Variants in PHF7 observed in about 807,000 individuals in gnomAD.
PHF7 encodes the protein PHD finger protein 7, also known as E3 ubiquitin-protein ligase PHF7.
Under a neutral mutation model 47.5 loss-of-function variants are expected in PHF7, and 24 were observed. The observed-to-expected ratio is 0.51, with a 90% CI of 0.37 to 0.71. The LOEUF (loss-of-function observed/expected upper bound fraction) is 0.71, where lower values mean the gene tolerates loss of function less well. Ranked by LOEUF, PHF7 falls within the 30% of genes least tolerant of loss-of-function variation. The pLI is 0.00. For synonymous variants in PHF7, 156 were observed against 153.8 expected (o/e 1.01, Z -0.11); for missense variants, 361 against 456.8 (o/e 0.79, Z 1.91).
At chr3:52,416,276 C>T (rs147362495) in intron 4 of PHF7, among the ~76,000 whole-genome samples, 4,729 of 150,826 alleles carry the variant, frequency 0.031, 282 homozygotes, top group African/African-American at 0.11. Context: ...GCCTCCACCT[C>T]CCGGGTTGGA....
intron 2 of PHF7, 106 bp downstream of exon 2, chr3:52,413,026 C>A: frequency 1.2e-6 from 1 of 844,482 alleles, no homozygotes; most frequent in Non-Finnish European, 2.0e-6. Context: ...TGAGGTTGGA[C>A]AGTGTGGAAG....
chr3:52,413,961 A>G (rs750898978), intron 2 of PHF7, 35 bp from the exon 3 acceptor site: 4 of 1,486,778 alleles, frequency 2.7e-6, no homozygotes, highest in Non-Finnish European at 3.8e-6. Flanking sequence ...AAGATCCCCA[A>G]AGAACACCTT....
chr3:52,421,514 C>T (rs1397989843), intron 7 of PHF7, 134 bp from the exon 8 acceptor site: 5 of 661,060 alleles, frequency 7.6e-6, no homozygotes, highest in South Asian at 6.4e-5. Context: ...CTCACCCTAG[C>T]CCACCCAAAC....
At chr3:52,419,357 T>A (rs1273262004) in intron 4 of PHF7, among the ~76,000 whole-genome samples, 2 of 152,090 alleles carry the variant, frequency 1.3e-5, no homozygotes, top group South Asian at 2.1e-4. Flanking sequence ...ATTCAACACA[T>A]GGTTGGTGCC....
chr3:52,416,476 G>A (rs1705629286), intron 4 of PHF7, among the ~76,000 whole-genome samples: 1 of 150,708 alleles, frequency 6.6e-6, no homozygotes, highest in African/African-American at 2.4e-5. Flanking sequence ...GAGCCACCGC[G>A]CCTGGCCCGG....
intron 3 of PHF7, 77 bp from the exon 4 acceptor site, chr3:52,414,419 G>A: frequency 1.2e-6 from 1 of 843,492 alleles, no homozygotes; most frequent in Middle Eastern, 2.2e-4. Context: ...TGACTTAGAG[G>A]AATGGTTACA....
chr3:52,421,975 C>A (rs1705804482), intron 8 of PHF7: 1 of 591,838 alleles, frequency 1.7e-6, no homozygotes, highest in Non-Finnish European at 3.0e-6. Context: ...TTTGGGGAAT[C>A]AGAATTCCCT....
intron 2 of PHF7, among the ~76,000 whole-genome samples, chr3:52,413,724 C>T (rs1005858433): frequency 1.3e-5 from 2 of 152,120 alleles, no homozygotes; most frequent in African/African-American, 4.8e-5. Flanking sequence ...AATCCCAGCT[C>T]CTCGGGAGGC....
rs1452200395 is a variant in PHF7 at position 52,411,096 on chromosome 3, AAGCCACTGCCTGGC to A, written c.-217_-204del. The stretch of plus-strand genomic sequence containing the variant: ...TTCGAGGGGCGTCCGCCGGGTTAGG[AAGCCACTGCCTGGC>A]AGCTTGTGGAAGCCTCATTTGCAAA... On this transcript the variant is annotated 5_prime_UTR_variant, in exon 1 of 11. Coordinates refer to ENST00000327906, the MANE Select transcript of PHF7 (RefSeq NM_016483.7). 2.0e-5 allele frequency: 3 copies of A among 152,226 alleles called. No homozygotes were observed. Among genetic ancestry groups the A allele is most frequent in the Non-Finnish European group, 4.4e-5 (3 of 68,064 alleles). The allele number at this position is 152,226 out of a possible 1,614,324, so 9.4% of individuals were successfully genotyped here.
rs1211122576 is a variant in PHF7, at chr3:52,422,835, C to T, written c.873C>T (p.Asn291=). 11 of 1,613,922 alleles carry T rather than the reference C, an allele frequency of 6.8e-6. No individual in the cohort carries two copies. The South Asian group carries it at 1.1e-4, about 16-fold the overall frequency. The change falls in exon 10 of 11, where the codon AAC becomes AAT. Residue 291 remains asparagine, a synonymous_variant. Transcript: ENST00000327906. ...THRDCSSLRS[N]SKKWECEECS... ...GGGACTGCTCCTCTCTTAGATCTAACAGTAAGAAATGGGAGTGTGAGGAGT... is the reference window on the plus strand; with the variant it reads ...GGGACTGCTCCTCTCTTAGATCTAATAGTAAGAAATGGGAGTGTGAGGAGT...
chr3:52,415,139 A>G (rs917846385), intron 4 of PHF7, among the ~76,000 whole-genome samples: 23 of 152,182 alleles, frequency 1.5e-4, no homozygotes, highest in Non-Finnish European at 2.8e-4. Flanking sequence ...ACATCCTTCC[A>G]ATTGCTTTTT....
At position 52,419,904 on chromosome 3, in the gene PHF7, C is replaced by A. The variant is rs920861502; in HGVS notation, c.258C>A (p.Ile86=). 1.7e-5 allele frequency: 27 copies of A among 1,608,922 alleles called. No individual in the cohort carries two copies. Among genetic ancestry groups the A allele is most frequent in the Non-Finnish European group, 2.2e-5 (26 of 1,177,150 alleles). The part of the protein sequence containing the change: ...RGFHGFLPED[I]KKEAARASRK... ...TCCATGGATTTCTGCCTGAAGACAT[C>A]AAAAAGGAGGCAGCCCGGGCTTCTA... Residue 86 remains isoleucine, a synonymous_variant, in exon 5 of 11, where the codon ATC becomes ATA. Coordinates refer to ENST00000327906, the MANE Select transcript of PHF7 (RefSeq NM_016483.7).
chr3:52,413,955 T>C (rs1052720129), intron 2 of PHF7, 41 bp from the exon 3 acceptor site: 1 of 1,375,964 alleles, frequency 7.3e-7, no homozygotes, highest in Non-Finnish European at 1.0e-6. Context: ...ATCAACAAGA[T>C]CCCCAAAGAA....
At chr3:52,412,228 G>A (rs1405934016) in intron 1 of PHF7, among the ~76,000 whole-genome samples, 1 of 151,778 alleles carries the variant, frequency 6.6e-6, no homozygotes, top group East Asian at 1.9e-4. Context: ...ATAGAGCCTA[G>A]GGGGTGTTTG....
rs565761683 is a variant in PHF7 at position 52,416,681 on chromosome 3, A to T, written c.186+2094A>T. The stretch of plus-strand genomic sequence containing the variant: ...AACCCTGTGTCTACTAAAAATAAAA[A>T]AATTAGCCGGGCATGGTGGCAGGCG... On this transcript the variant is annotated intron_variant, in intron 4 of 10. Transcript: ENST00000327906. Among the ~76,000 whole-genome samples, 13 of 151,648 alleles carry T rather than the reference A, an allele frequency of 8.6e-5. No individual in the cohort carries two copies. The South Asian group carries it at 2.3e-3, about 27-fold the overall frequency.
intron 7 of PHF7, 101 bp from the exon 8 acceptor site, chr3:52,421,547 T>A: frequency 4.0e-6 from 3 of 755,826 alleles, no homozygotes; most frequent in Non-Finnish European, 7.1e-6. Flanking sequence ...ACCCTCAAAC[T>A]CTCTTAGCAA....
chr3:52,422,638 T>C, intron 9 of PHF7, 122 bp from the exon 10 acceptor site: 1 of 1,038,028 alleles, frequency 9.6e-7, no homozygotes, highest in Non-Finnish European at 1.5e-6. Flanking sequence ...TCATCCTCTC[T>C]GAGCCATACA....
intron 1 of PHF7, among the ~76,000 whole-genome samples, chr3:52,412,229 G>T (rs750214170): frequency 6.6e-6 from 1 of 152,062 alleles, no homozygotes; most frequent in Admixed American, 6.6e-5. Flanking sequence ...TAGAGCCTAG[G>T]GGGTGTTTGT....
In PHF7 at chr3:52,422,829, A is replaced by C. The variant is rs768097653; in HGVS notation, c.867A>C (p.Arg289Ser). ...CCCACAGGGACTGCTCCTCTCTTAG[A>C]TCTAACAGTAAGAAATGGGAGTGTG... ...HGTHRDCSSL[R>S]SNSKKWECEE... The change falls in exon 10 of 11, where the codon AGA becomes AGC. Residue 289 changes from arginine to serine, a missense_variant. Coordinates refer to ENST00000327906, the MANE Select transcript of PHF7 (RefSeq NM_016483.7). 2 of 1,613,996 alleles carry C rather than the reference A, an allele frequency of 1.2e-6. No homozygotes were observed. The highest frequency in any genetic ancestry group is 2.2e-5 in the East Asian group (1 of 44,880).
Sources: allele counts gnomAD v4.1 joint callset (sites outside exome capture counted in the v4.1 genomes callset), GRCh38; gene constraint gnomAD v4.1.1; transcripts MANE v1.5; gene names NCBI Gene and HGNC (gene_info 2026-07-23, HGNC 2026-07-21).